VPS45: variants seen among roughly 807,000 people sequenced by gnomAD.
The protein encoded by VPS45 is vacuolar protein sorting 45 homolog.
Under a neutral mutation model 75.9 loss-of-function variants are expected in VPS45, and 35 were observed. The observed-to-expected ratio is 0.46, with a 90% CI of 0.35 to 0.61. The LOEUF (loss-of-function observed/expected upper bound fraction) is 0.61. Among genes scored for constraint, VPS45 ranks in the 20% least tolerant of loss-of-function variants. The pLI is 0.00. For missense variants in VPS45, 559 were observed against 685.9 expected, an observed-to-expected ratio of 0.81 and a Z score of 2.07; for synonymous variants, 220 against 238.2, an observed-to-expected ratio of 0.92 and a Z score of 0.70.
At chr1:150,132,297 G>C (rs1423320480) in intron 14 of VPS45, among the ~76,000 whole-genome samples, 1 of 152,102 alleles carries the variant, frequency 6.6e-6, no homozygotes. Flanking sequence ...CAGGACTTGT[G>C]TAAAACTAAA....
chr1:150,132,957 C>G (rs143419015), intron 14 of VPS45, among the ~76,000 whole-genome samples: 4,138 of 152,304 alleles, frequency 0.027, 95 homozygotes, highest in Non-Finnish European at 0.039. Flanking sequence ...GCTGTTATTA[C>G]TGTTACATTT....
In VPS45 at chr1:150,144,809, G is replaced by C; in HGVS notation, c.*13G>C. ...GAGCAGAAGATGAAACGGTGGTTGG[G>C]GGAAGGGCACAGCTTCCTCTCTTGT... On this transcript the variant is annotated 3_prime_UTR_variant, in exon 15 of 15. Transcript: ENST00000644510. 1.2e-6 allele frequency: 2 copies of C among 1,614,078 alleles called. No homozygotes were observed. The highest frequency in any genetic ancestry group is 2.2e-5 in the East Asian group (1 of 44,886).
intron 14 of VPS45, among the ~76,000 whole-genome samples, chr1:150,119,087 A>G (rs941351936): frequency 5.9e-5 from 9 of 152,228 alleles, no homozygotes; most frequent in Non-Finnish European, 1.0e-4. Flanking sequence ...TAAGAAGATT[A>G]TGGAATTTAT....
intron 14 of VPS45, chr1:150,142,845 G>T: frequency 2.2e-6 from 1 of 450,658 alleles, no homozygotes; most frequent in Admixed American, 2.4e-5. Flanking sequence ...TAGAGATGGG[G>T]TTTCACTATG....
In VPS45 at chr1:150,079,533, T is replaced by G. The variant is rs587756536; in HGVS notation, c.687+1754T>G. ...CTCATGCCCCAGCTTCCTGAGTAGT[T>G]GGGATCACAGGTGCACACCCCCACA... On this transcript the variant is annotated intron_variant, in intron 7 of 14. Coordinates refer to ENST00000644510, the MANE Select transcript of VPS45 (RefSeq NM_007259.5). 2.0e-5 allele frequency among the ~76,000 whole-genome samples: 3 copies of G among 152,292 alleles called. No homozygotes were observed. The East Asian group carries it at 5.8e-4, about 29-fold the overall frequency.
intron 9 of VPS45, among the ~76,000 whole-genome samples, chr1:150,082,514 CA>C (rs782675159): frequency 2.2e-5 from 3 of 139,486 alleles, no homozygotes; most frequent in Admixed American, 7.2e-5. Context: ...AACTCTGTCT[CA>C]AAAAAAAAAA....
intron 14 of VPS45, among the ~76,000 whole-genome samples, chr1:150,121,930 G>A (rs1462634999): frequency 6.6e-6 from 1 of 152,178 alleles, no homozygotes; most frequent in Non-Finnish European, 1.5e-5. Context: ...GGGGGGCAGG[G>A]AATATGAAAC....
In VPS45 at chr1:150,143,715, T is replaced by C. The variant is rs1392227216; in HGVS notation, c.1626-994T>C. 2.0e-5 allele frequency among the ~76,000 whole-genome samples: 3 copies of C among 152,156 alleles called. No homozygotes were observed. The East Asian group carries it at 5.8e-4, about 29-fold the overall frequency. The stretch of plus-strand genomic sequence containing the variant: ...AGTGAGTAGTTGGGCATGGATGGCA[T>C]AGAGGCTGCACTCTGAGAGATGGAA... On this transcript the variant is annotated intron_variant, in intron 14 of 14. Coordinates refer to ENST00000644510, the MANE Select transcript of VPS45 (RefSeq NM_007259.5).
chr1:150,085,722 T>C (rs1655969630), intron 10 of VPS45, among the ~76,000 whole-genome samples: 1 of 152,028 alleles, frequency 6.6e-6, no homozygotes, highest in Non-Finnish European at 1.5e-5. Flanking sequence ...CTTTATTGAA[T>C]AGTATCATGA....
Position 150,077,108 on chromosome 1 carries a change from TCCAGC to T in VPS45, c.459_463del (p.Gln154IlefsTer2). ...TTAACAAAAAGGGTCGAAATTGGGA[TCCAGC>T]CCAGCTATCTAGAACAACTCAAGGG... On this transcript the variant is annotated frameshift_variant, in exon 6 of 15. Coordinates refer to ENST00000644510, the MANE Select transcript of VPS45 (RefSeq NM_007259.5). LOFTEE classifies it high-confidence loss of function. 6.2e-7 allele frequency: 1 copy of T among 1,613,980 alleles called. No homozygotes were observed. Among genetic ancestry groups the T allele is most frequent in the Non-Finnish European group, 8.5e-7 (1 of 1,179,964 alleles).
intron 13 of VPS45, 139 bp from the exon 14 acceptor site, chr1:150,110,357 T>G: frequency 1.2e-6 from 1 of 836,554 alleles, no homozygotes; most frequent in Non-Finnish European, 1.7e-6. Context: ...AAACTTTTTT[T>G]AAACCTTTTA....
At chr1:150,142,792 G>A (rs1553815594) in intron 14 of VPS45, 4 of 433,850 alleles carry the variant, frequency 9.2e-6, no homozygotes, top group South Asian at 6.6e-5. Context: ...AGCCTCCCAA[G>A]TAGCTGGGAC....
intron 13 of VPS45, among the ~76,000 whole-genome samples, chr1:150,103,637 A>G (rs1553805110): frequency 6.6e-6 from 1 of 152,214 alleles, no homozygotes; most frequent in East Asian, 1.9e-4. Flanking sequence ...AGACTGAAGG[A>G]CAGTGTTCTC....
chr1:150,128,771 G>A (rs1377307038), intron 14 of VPS45, among the ~76,000 whole-genome samples: 2 of 149,786 alleles, frequency 1.3e-5, no homozygotes, highest in Admixed American at 6.7e-5. Flanking sequence ...ACAGAGTCTC[G>A]CTCTGTCGCC....
rs190953965 is a variant in VPS45, at chr1:150,131,814, C to G, written c.1626-12895C>G. ...TGAGCTATGATCACGCCACTGCACTCCAGCCTGTGTGACAGAGCAAGACTA... is the reference window on the plus strand; with the variant it reads ...TGAGCTATGATCACGCCACTGCACTGCAGCCTGTGTGACAGAGCAAGACTA... On this transcript the variant is annotated intron_variant, in intron 14 of 14. Coordinates refer to ENST00000644510, the MANE Select transcript of VPS45 (RefSeq NM_007259.5). Among the ~76,000 whole-genome samples, 252 of 152,268 alleles carry G rather than the reference C, an allele frequency of 1.7e-3. 1 individual carries two copies. The highest frequency in any genetic ancestry group is 2.9e-3 in the Non-Finnish European group (200 of 68,024).
Position 150,076,903 on chromosome 1 carries a change from G to A in VPS45, c.370-13G>A, listed in dbSNP as rs782510675. 6 of 1,613,726 alleles carry A rather than the reference G, an allele frequency of 3.7e-6. No homozygotes were observed. The South Asian group carries it at 5.5e-5, about 15-fold the overall frequency. ...AGTTTATGGAATGACTATTCTTGGT[G>A]CTTTATTTGCAGGAATTTTATGGTG... On this transcript the variant is annotated splice_polypyrimidine_tract_variant and intron_variant, in intron 4 of 14. Transcript: ENST00000644510.
intron 14 of VPS45, among the ~76,000 whole-genome samples, chr1:150,127,478 G>A (rs1658578414): frequency 2.0e-5 from 3 of 152,094 alleles, no homozygotes; most frequent in Non-Finnish European, 4.4e-5. Flanking sequence ...TCTAGAGACA[G>A]GGTCTTGCTA....
At chr1:150,101,929 A>G (rs1304503385) in intron 13 of VPS45, among the ~76,000 whole-genome samples, 1 of 151,590 alleles carries the variant, frequency 6.6e-6, no homozygotes, top group Non-Finnish European at 1.5e-5. Flanking sequence ...GAGGAATATA[A>G]CTCATTCTAC....
chr1:150,131,248 C>G (rs1658818339), intron 14 of VPS45, among the ~76,000 whole-genome samples: 1 of 152,212 alleles, frequency 6.6e-6, no homozygotes, highest in Admixed American at 6.6e-5. Flanking sequence ...GTGGCTCACA[C>G]TTGCATTCCC....
Sources: gnomAD v4.1 joint callset for allele counts (sites outside exome capture counted in the v4.1 genomes callset) on GRCh38, gnomAD v4.1.1 for gene constraint, MANE v1.5 for transcripts, NCBI Gene and HGNC (gene_info 2026-07-23, HGNC 2026-07-21) for gene names.